FGF12: variants seen among roughly 807,000 people sequenced by gnomAD.
FGF12 encodes the protein fibroblast growth factor 12B.
A neutral mutation model predicts 23.6 loss-of-function variants in FGF12; 14 were observed. The ratio of observed to expected loss-of-function variants is 0.59; its 90% CI spans 0.39 to 0.93. The LOEUF (loss-of-function observed/expected upper bound fraction) is 0.93, where lower values mean the gene tolerates loss of function less well. FGF12 is among the 40% of genes least tolerant of loss of function. The pLI is 0.00. For missense variants in FGF12, 175 were observed against 217.8 expected, an observed-to-expected ratio of 0.80 and a Z score of 1.24; for synonymous variants, 62 against 77.3, an observed-to-expected ratio of 0.80 and a Z score of 1.04.
chr3:192,368,356 T>C (rs1719078468), intron 2 of FGF12, among the ~76,000 whole-genome samples: 1 of 152,122 alleles, frequency 6.6e-6, no homozygotes, highest in Non-Finnish European at 1.5e-5. Flanking sequence ...AAGTATATAA[T>C]AAAATGTTAG....
intron 2 of FGF12, among the ~76,000 whole-genome samples, chr3:192,609,434 T>C (rs906912699): frequency 6.6e-6 from 1 of 152,114 alleles, no homozygotes; most frequent in Non-Finnish European, 1.5e-5. Flanking sequence ...GGAGGGATCA[T>C]GAATATGGAA....
At chr3:192,342,044 T>G (rs1033234048) in intron 3 of FGF12, among the ~76,000 whole-genome samples, 11 of 152,192 alleles carry the variant, frequency 7.2e-5, no homozygotes, top group African/African-American at 2.7e-4. Context: ...AGTTGTGGTC[T>G]CTAGTGAAAA....
At chr3:192,397,934 C>A (rs1310303995) in intron 2 of FGF12, among the ~76,000 whole-genome samples, 1 of 134,560 alleles carries the variant, frequency 7.4e-6, no homozygotes, top group East Asian at 2.2e-4. Context: ...ACATTTAAAT[C>A]ACCAGTGCAA....
chr3:192,529,928 G>A lies in FGF12; in HGVS notation c.14-169390C>T, dbSNP rs747283663. ...GTCACAGCCAAACCATATCAGTGAG[G>A]TGCATGAGAAATGTTGTTACACATA... is the stretch of plus-strand genomic sequence containing the variant. On this transcript the variant is annotated intron_variant, in intron 2 of 5. Coordinates refer to ENST00000445105, the MANE Select transcript of FGF12 (RefSeq NM_004113.6). Among the ~76,000 whole-genome samples the A allele has an allele frequency of 5.3e-5, 8 of 151,730 alleles. 1 individual carries two copies. The highest frequency in any genetic ancestry group is 4.2e-4 in the South Asian group (2 of 4,776).
At chr3:192,187,821 G>A (rs1247375622) in intron 4 of FGF12, among the ~76,000 whole-genome samples, 2 of 152,012 alleles carry the variant, frequency 1.3e-5, no homozygotes, top group Non-Finnish European at 2.9e-5. Flanking sequence ...GAAAGTGAAG[G>A]AAGGTGAAGA....
At chr3:192,216,173 C>A (rs1718183399) in intron 4 of FGF12, among the ~76,000 whole-genome samples, 1 of 152,254 alleles carries the variant, frequency 6.6e-6, no homozygotes, top group East Asian at 1.9e-4. Flanking sequence ...GACAGAAAAA[C>A]ACCATCTCCT....
chr3:192,185,597 C>T (rs113078155), intron 4 of FGF12, among the ~76,000 whole-genome samples: 134 of 151,638 alleles, frequency 8.8e-4, no homozygotes, highest in Middle Eastern at 3.4e-3. Context: ...CGTGGTGGCT[C>T]ACGCCTGTAA....
intron 4 of FGF12, among the ~76,000 whole-genome samples, chr3:192,328,495 C>T (rs148821116): frequency 1.6e-3 from 236 of 152,234 alleles, no homozygotes; most frequent in African/African-American, 5.3e-3. Flanking sequence ...AACAGGAAGA[C>T]GACAATAGAA....
intron 4 of FGF12, among the ~76,000 whole-genome samples, chr3:192,235,122 G>C (rs1246917443): frequency 6.6e-6 from 1 of 152,100 alleles, no homozygotes; most frequent in East Asian, 1.9e-4. Flanking sequence ...ATTGGTACCA[G>C]ATCTTCTTTA....
At chr3:192,711,569 A>C (rs1293494463) in intron 2 of FGF12, among the ~76,000 whole-genome samples, 2 of 152,202 alleles carry the variant, frequency 1.3e-5, no homozygotes, top group Non-Finnish European at 2.9e-5. Context: ...AGAAAGAAGT[A>C]GACATAGGAG....
chr3:192,617,727 C>T (rs977019200), intron 2 of FGF12, among the ~76,000 whole-genome samples: 1 of 152,002 alleles, frequency 6.6e-6, no homozygotes, highest in Admixed American at 6.6e-5. Context: ...TAGTGCTAGT[C>T]CAACAACCAC....
chr3:192,576,510 G>A (rs1408291517), intron 2 of FGF12, among the ~76,000 whole-genome samples: 2 of 152,168 alleles, frequency 1.3e-5, no homozygotes, highest in East Asian at 3.8e-4. Flanking sequence ...AAAGTAAAGA[G>A]TAATGTCTTA....
chr3:192,721,684 G>A (rs1719043880), intron 2 of FGF12, among the ~76,000 whole-genome samples: 2 of 152,090 alleles, frequency 1.3e-5, no homozygotes, highest in African/African-American at 4.8e-5. Flanking sequence ...GCCTCCCCCA[G>A]ACCTATTACT....
rs1553812375 is a variant in FGF12 at position 192,432,639 on chromosome 3, A to AAAG, written c.14-72102_14-72101insCTT. ...ATCTGGCAAAAAAAAAAAAAAAAAA[A>AAAG]AAAGAAAGAAAGAAAGAAAGAAAAG... On this transcript the variant is annotated intron_variant, in intron 2 of 5. Transcript: ENST00000445105. 5.5e-4 allele frequency among the ~76,000 whole-genome samples: 76 copies of AAAG among 137,142 alleles called. 1 individual carries two copies. Among genetic ancestry groups the AAAG allele is most frequent in the Non-Finnish European group, 4.1e-4 (26 of 63,824 alleles). 90.0% of individuals were successfully genotyped at this position (137,142 alleles called of 152,430 possible).
At chr3:192,368,760 A>G (rs1046117546) in intron 2 of FGF12, among the ~76,000 whole-genome samples, 1 of 152,108 alleles carries the variant, frequency 6.6e-6, no homozygotes, top group Non-Finnish European at 1.5e-5. Context: ...TTCATGCTAC[A>G]ACAACAAAGG....
intron 2 of FGF12, among the ~76,000 whole-genome samples, chr3:192,411,506 C>G (rs1721200360): frequency 6.6e-6 from 1 of 152,214 alleles, no homozygotes; most frequent in African/African-American, 2.4e-5. Flanking sequence ...GACACACGCA[C>G]ACACACACCT....
chr3:192,391,079 C>T (rs1013129978), intron 2 of FGF12, among the ~76,000 whole-genome samples: 1 of 152,056 alleles, frequency 6.6e-6, no homozygotes, highest in Non-Finnish European at 1.5e-5. Context: ...ATGAGTTTAT[C>T]CAAGGAGAAA....
chr3:192,594,014 C>A (rs187160025), intron 2 of FGF12, among the ~76,000 whole-genome samples: 1 of 151,970 alleles, frequency 6.6e-6, no homozygotes, highest in Non-Finnish European at 1.5e-5. Context: ...AGCAGCTTGT[C>A]GGTTAGAGTA....
intron 5 of FGF12, among the ~76,000 whole-genome samples, chr3:192,166,088 C>T (rs992587076): frequency 4.6e-5 from 7 of 152,102 alleles, no homozygotes; most frequent in East Asian, 3.8e-4. Flanking sequence ...ATCCCAGCAG[C>T]GAGGAGAAAG....
Sources: gnomAD v4.1 joint callset for allele counts (sites outside exome capture counted in the v4.1 genomes callset) on GRCh38, gnomAD v4.1.1 for gene constraint, MANE v1.5 for transcripts, NCBI Gene and HGNC (gene_info 2026-07-23, HGNC 2026-07-21) for gene names.